The following MAU2 variants were observed in gnomAD, a reference collection of about 807,000 sequenced individuals.
MAU2 encodes MAU2 chromatid cohesion factor homolog.
In MAU2, 9 loss-of-function variants were observed where a neutral mutation model predicts 89.1. The ratio of observed to expected loss-of-function variants is 0.10; its 90% confidence interval spans 0.06 to 0.18. MAU2 has a LOEUF of 0.18. Ranked by LOEUF, MAU2 falls within the 10% of genes least tolerant of loss-of-function variation. The probability of loss-of-function intolerance (pLI) is 1.00; values close to 1 mark genes in which losing one functional copy is unlikely to be tolerated. For missense variants in MAU2, 425 were observed against 803.5 expected (o/e 0.53, Z 5.69); for synonymous variants, 357 against 343.4 (o/e 1.04, Z -0.44).
chr19:19,349,577 T>G (rs1042729058), intron 16 of MAU2, 141 bp downstream of exon 16: 1 of 719,068 alleles, frequency 1.4e-6, no homozygotes, highest in Non-Finnish European at 2.3e-6. Context: ...ATGCCCTGAC[T>G]CCCACAGCCT....
chr19:19,351,729 T>TA (rs1161319220), intron 16 of MAU2, among the ~76,000 whole-genome samples: 2 of 151,984 alleles, frequency 1.3e-5, no homozygotes, highest in African/African-American at 4.8e-5. Context: ...TGTTCATAAT[T>TA]AAAAGGCTGA....
At chr19:19,325,200 G>A (rs1472137931) in intron 1 of MAU2, among the ~76,000 whole-genome samples, 1 of 151,900 alleles carries the variant, frequency 6.6e-6, no homozygotes, top group African/African-American at 2.4e-5. Flanking sequence ...TTGAGATGTA[G>A]TCTTGCTCTG....
In MAU2 at chr19:19,355,288, C is replaced by T. The variant is rs1374561499; in HGVS notation, c.1664C>T (p.Ala555Val). Residue 555 changes from alanine to valine, a missense_variant, in exon 18 of 19, where the codon GCC (alanine) becomes GTC (valine). This residue lies in a region of MAU2 where 33 missense variants were observed against 94.1 expected (regional missense o/e 0.35). Coordinates refer to ENST00000262815, the MANE Select transcript of MAU2 (RefSeq NM_015329.4). ...LRDLNKACGNAMDAHEAAQMH... is the reference protein window; with the variant it reads ...LRDLNKACGNVMDAHEAAQMH... ...GACCTGAATAAAGCCTGTGGGAACG[C>T]CATGGATGCCCATGAAGCCGCCCAG... 1.2e-6 allele frequency: 2 copies of T among 1,614,086 alleles called. No individual in the cohort carries two copies. Among genetic ancestry groups the T allele is most frequent in the Non-Finnish European group, 1.7e-6 (2 of 1,180,002 alleles).
In MAU2 at chr19:19,349,443, G is replaced by A; in HGVS notation, c.1548+7G>A. The A allele has an allele frequency of 2.5e-6, 4 of 1,612,436 alleles. No homozygotes were observed. In the East Asian group the frequency reaches 6.7e-5, roughly 27 times the overall value. Reference sequence around the variant, plus strand: ...TGTGCTGGGAAACCACAGGGTGAGTGCCCTGGCCTGGGCCCCTCGCTTGGG... The same window carrying A: ...TGTGCTGGGAAACCACAGGGTGAGTACCCTGGCCTGGGCCCCTCGCTTGGG... On this transcript the variant is annotated splice_region_variant and intron_variant, in intron 16 of 18. Transcript: ENST00000262815.
intron 1 of MAU2, among the ~76,000 whole-genome samples, chr19:19,331,707 GC>G (rs936864467): frequency 4.6e-5 from 7 of 152,132 alleles, no homozygotes; most frequent in African/African-American, 1.4e-4. Flanking sequence ...TTCAAGACCA[GC>G]CTGTGCAGCA....
rs765690545 is a variant in MAU2, at chr19:19,320,862, GGCGGCTCAGGCGGCGGCA to G, written c.9_26del (p.Ala9_Ala14del). The stretch of plus-strand genomic sequence containing the variant: ...GGCTTGTTGTTGTGGAGGCCAAAAT[GGCGGCTCAGGCGGCGGCA>G]GCGGCCCAGGCGGCGGCGGCCCAGG... On this transcript the variant is annotated inframe_deletion, in exon 1 of 19. Coordinates refer to ENST00000262815, the MANE Select transcript of MAU2 (RefSeq NM_015329.4). 1.3e-6 allele frequency: 2 copies of G among 1,514,622 alleles called. No homozygotes were observed. Among genetic ancestry groups the G allele is most frequent in the South Asian group, 1.3e-5 (1 of 77,474 alleles). 93.8% of individuals were successfully genotyped at this position (1,514,622 alleles called of 1,614,324 possible).
In MAU2 at chr19:19,348,915, C is replaced by A; in HGVS notation, c.1335C>A (p.Asn445Lys). ...TCTACAGTCTGCTGGAGAGGATCAA[C>A]CCGGACCACAGCTTCCCTGTCAGGT... ...EVLYSLLERI[N>K]PDHSFPVSSH... The change falls in exon 14 of 19, where the codon AAC becomes AAA. Residue 445 changes from asparagine (N) to lysine (K), a missense_variant. Physicochemically the swap from Asn to Lys is moderately conservative, Grantham distance 94 (BLOSUM62 0). This residue lies in a region of MAU2 where 66 missense variants were observed against 129.1 expected (regional missense o/e 0.51). Transcript: ENST00000262815. 6 of 1,613,888 alleles carry A rather than the reference C, an allele frequency of 3.7e-6. No individual in the cohort carries two copies. Among genetic ancestry groups the A allele is most frequent in the Non-Finnish European group, 5.1e-6 (6 of 1,179,982 alleles).
At chr19:19,334,410 C>T in intron 1 of MAU2, 2 of 985,760 alleles carry the variant, frequency 2.0e-6, no homozygotes, top group South Asian at 4.7e-5. Flanking sequence ...TTGGCAGTAG[C>T]TGCTCTCGAT....
Position 19,358,291 on chromosome 19 carries a change from G to T in MAU2, c.*2509G>T, listed in dbSNP as rs1270381037. 3.3e-5 allele frequency: 5 copies of T among 152,246 alleles called. No individual in the cohort carries two copies. Among genetic ancestry groups the T allele is most frequent in the African/African-American group, 1.2e-4 (5 of 41,446 alleles). 9.4% of individuals were successfully genotyped at this position (152,246 alleles called of 1,614,324 possible). ...CCTCTGCCCTTGTCCTGTGGGTTGA[G>T]GGGGTCTGACCAGGAGGCCACCTAC... On this transcript the variant is annotated 3_prime_UTR_variant, in exon 19 of 19. Transcript: ENST00000262815.
intron 1 of MAU2, among the ~76,000 whole-genome samples, chr19:19,335,507 AG>A (rs1459744029): frequency 4.6e-5 from 7 of 152,122 alleles, no homozygotes; most frequent in Non-Finnish European, 1.5e-5. Context: ...CCTCCTGCCC[AG>A]GCACCCACTG....
At chr19:19,351,363 TAAA>T (rs559642242) in intron 16 of MAU2, among the ~76,000 whole-genome samples, 1 of 140,078 alleles carries the variant, frequency 7.1e-6, no homozygotes, top group Admixed American at 7.2e-5. Flanking sequence ...TGCTATCTCT[TAAA>T]AAAAAAAAAA....
intron 16 of MAU2, chr19:19,352,766 G>A (rs1393650379): frequency 6.6e-6 from 1 of 152,236 alleles, no homozygotes; most frequent in Non-Finnish European, 1.5e-5. Flanking sequence ...GGTGTTGTGG[G>A]GGCATCTTAC....
rs115849839 is a variant in MAU2, at chr19:19,338,468, T to C, written c.457-377T>C. 2.1e-3 allele frequency among the ~76,000 whole-genome samples: 315 copies of C among 152,316 alleles called. 2 individuals are homozygous for C. Among genetic ancestry groups the C allele is most frequent in the African/African-American group, 7.3e-3 (304 of 41,568 alleles). ...TTGCCTCTGAGGGAGTCCCTCCTTGTCGGCCCTGGAACACACTAGGGACAC... is the reference window on the plus strand; with the variant it reads ...TTGCCTCTGAGGGAGTCCCTCCTTGCCGGCCCTGGAACACACTAGGGACAC... On this transcript the variant is annotated intron_variant, in intron 4 of 18. Coordinates refer to ENST00000262815, the MANE Select transcript of MAU2 (RefSeq NM_015329.4).
Position 19,335,708 on chromosome 19 carries a change from TC to T in MAU2, c.277-9del. 3 of 1,614,226 alleles carry T rather than the reference TC, an allele frequency of 1.9e-6. No individual in the cohort carries two copies. Among genetic ancestry groups the T allele is most frequent in the Non-Finnish European group, 2.5e-6 (3 of 1,180,030 alleles). ...CCTGAGAATTAATCGTTGTTTTCTT[TC>T]TTTTTCAGTGGTTGATATCACAGCA... is the stretch of plus-strand genomic sequence containing the variant. On this transcript the variant is annotated splice_polypyrimidine_tract_variant and intron_variant, in intron 1 of 18. Transcript: ENST00000262815.
At position 19,335,266 on chromosome 19, in the gene MAU2, C is replaced by G. The variant is rs766042795; in HGVS notation, c.277-452C>G. Among the ~76,000 whole-genome samples, 38 of 152,330 alleles carry G rather than the reference C, an allele frequency of 2.5e-4. 1 individual carries two copies. Among genetic ancestry groups the G allele is most frequent in the African/African-American group, 8.2e-4 (34 of 41,578 alleles). On this transcript the variant is annotated intron_variant, in intron 1 of 18. Transcript: ENST00000262815. ...TGCTCAGAAGGACTAACCTTGCCCC[C>G]CAAGACCCATTCTCCAGTTGAAACT...
chr19:19,338,518 G>A (rs1406731070), intron 4 of MAU2, among the ~76,000 whole-genome samples: 1 of 152,212 alleles, frequency 6.6e-6, no homozygotes, highest in Non-Finnish European at 1.5e-5. Flanking sequence ...ACCCCACAAA[G>A]CACTCAGAAC....
At chr19:19,337,118 C>T (rs909373827) in intron 3 of MAU2, 52 bp from the exon 4 acceptor site, 61 of 1,263,030 alleles carry the variant, frequency 4.8e-5, no homozygotes, top group Non-Finnish European at 5.8e-5. Flanking sequence ...GCTTGATTGC[C>T]GCCTTGTTTT....
intron 5 of MAU2, among the ~76,000 whole-genome samples, chr19:19,340,389 C>T (rs1461125889): frequency 6.6e-6 from 1 of 151,700 alleles, no homozygotes; most frequent in Admixed American, 6.6e-5. Context: ...CCTGTAATCC[C>T]AGCACTTTGG....
Position 19,345,197 on chromosome 19 carries a change from G to A in MAU2, c.1156-107G>A. 4.0e-6 allele frequency: 4 copies of A among 1,003,446 alleles called. No homozygotes were observed. The South Asian group carries it at 4.0e-5, about 10-fold the overall frequency. The allele number at this position is 1,003,446 out of a possible 1,614,324, so 62.2% of individuals were successfully genotyped here. The stretch of plus-strand genomic sequence containing the variant: ...TTGCAGCTGGCTCGGTAGAGCCATT[G>A]TCATACTCCTCCAGGGCAGCCGTGC... On this transcript the variant is annotated intron_variant, in intron 11 of 18. Transcript: ENST00000262815. This position sits in a 1 kb window ranked among gnomAD's most constrained non-coding sequence, Gnocchi z 4.9.
Sources: gnomAD v4.1 joint callset for allele counts (sites outside exome capture counted in the v4.1 genomes callset) on GRCh38, gnomAD v4.1.1 for gene constraint, gnomAD v4.1.1 regional missense constraint, Gnocchi (gnomAD v3.1) non-coding constraint, MANE v1.5 for transcripts, NCBI Gene and HGNC (gene_info 2026-07-23, HGNC 2026-07-21) for gene names.